The following ZNF850 variants were observed in gnomAD, a reference collection of about 807,000 sequenced individuals.
The protein encoded by ZNF850 is putative zinc finger protein ENSP00000330994.
Under a neutral mutation model 11.9 loss-of-function variants are expected in ZNF850, and 2 were observed. The ratio of observed to expected loss-of-function variants is 0.17; its 90% CI spans 0.07 to 0.53. The LOEUF is 0.53. ZNF850 is among the 20% of genes least tolerant of loss of function. ZNF850 has a pLI of 0.94. For missense variants in ZNF850, 1,014 were observed against 1,316.4 expected (o/e 0.77, Z 3.55); for synonymous variants, 381 against 443.0 (o/e 0.86, Z 1.76).
At position 36,745,634 on chromosome 19, in the gene ZNF850, T is replaced by G. The variant is rs912439310; in HGVS notation, c.*2133A>C. 3 of 150,206 alleles carry G rather than the reference T, an allele frequency of 2.0e-5. No individual in the cohort carries two copies. The highest frequency in any genetic ancestry group is 2.9e-5 in the Non-Finnish European group (2 of 67,876). 9.3% of individuals were successfully genotyped at this position (150,206 alleles called of 1,614,324 possible). On this transcript the variant is annotated 3_prime_UTR_variant, in exon 5 of 5. Transcript: ENST00000591344. ...CGGAGGTTGCAGTGAGCCAAGATCG[T>G]GCCATTGCACTCCAGCCTGGGCAAC... is the stretch of plus-strand genomic sequence containing the variant.
chr19:36,770,703 C>CAAAAAAAAAAAAAAAAA (rs567709722), intron 1 of ZNF850, among the ~76,000 whole-genome samples: 3 of 66,606 alleles, frequency 4.5e-5, no homozygotes, highest in Non-Finnish European at 9.4e-5. Context: ...GAGACTCCAT[C>CAAAAAAAAAAAAAAAAA]AAAAAAAAAA....
At chr19:36,760,406 C>T (rs2040510848) in intron 4 of ZNF850, among the ~76,000 whole-genome samples, 1 of 152,104 alleles carries the variant, frequency 6.6e-6, no homozygotes, top group Non-Finnish European at 1.5e-5. Flanking sequence ...GAGATCACTC[C>T]ACTGCACTCC....
At chr19:36,762,546 G>A (rs2040525649) in intron 2 of ZNF850, 49 bp downstream of exon 2, 2 of 1,536,276 alleles carry the variant, frequency 1.3e-6, no homozygotes, top group Non-Finnish European at 1.7e-6. Flanking sequence ...GACCAGCTAG[G>A]ATGAGAGTGG....
At chr19:36,768,134 G>A (rs1364339256) in intron 1 of ZNF850, among the ~76,000 whole-genome samples, 1 of 151,810 alleles carries the variant, frequency 6.6e-6, no homozygotes, top group Non-Finnish European at 1.5e-5. Context: ...AGCCAGGCAT[G>A]GTGGTGTACA....
chr19:36,770,438 C>T (rs752061626), intron 1 of ZNF850, among the ~76,000 whole-genome samples: 42 of 152,192 alleles, frequency 2.8e-4, no homozygotes, highest in Middle Eastern at 6.8e-3. Context: ...GTGGCTCACG[C>T]CGGTAATCCC....
rs935540126 is a variant in ZNF850, at chr19:36,744,748, G to C, written c.*3019C>G. On this transcript the variant is annotated 3_prime_UTR_variant, in exon 5 of 5. Coordinates refer to ENST00000591344, the MANE Select transcript of ZNF850 (RefSeq NM_001193552.2). ...AAAACATGGAGAATAATAAATGACA[G>C]AGTAAGAATTTGAGAACAAACATTT... 1.3e-5 allele frequency: 2 copies of C among 152,166 alleles called. No homozygotes were observed. The highest frequency in any genetic ancestry group is 4.8e-5 in the African/African-American group (2 of 41,410). 9.4% of individuals were successfully genotyped at this position (152,166 alleles called of 1,614,324 possible).
chr19:36,748,969 G>C lies in ZNF850; in HGVS notation c.2071C>G (p.His691Asp). ...AFRQRTYLNQ[H>D]RRIHTGEKPY... ...TTCTCACCAGTATGAATTCTCCGATGTTGATTAAGGTATGTACGCTGTCTA... is the reference window on the plus strand; with the variant it reads ...TTCTCACCAGTATGAATTCTCCGATCTTGATTAAGGTATGTACGCTGTCTA... The change falls in exon 5 of 5, where the codon CAT becomes GAT. Residue 691 changes from histidine (H) to aspartate (D), a missense_variant. Coordinates refer to ENST00000591344, the MANE Select transcript of ZNF850 (RefSeq NM_001193552.2). 11 of 1,599,122 alleles carry C rather than the reference G, an allele frequency of 6.9e-6. No individual in the cohort carries two copies. The highest frequency in any genetic ancestry group is 9.4e-6 in the Non-Finnish European group (11 of 1,173,526).
rs777733420 is a variant in ZNF850, at chr19:36,749,825, G to A, written c.1215C>T (p.Arg405=). The A allele has an allele frequency of 5.2e-5, 81 of 1,565,872 alleles. No individual in the cohort carries two copies. In the African/African-American group the frequency reaches 9.8e-4, roughly 19 times the overall value. The change falls in exon 5 of 5, where the codon CGC becomes CGT. Residue 405 remains arginine (R), a synonymous_variant. Coordinates refer to ENST00000591344, the MANE Select transcript of ZNF850 (RefSeq NM_001193552.2). ...TTGCCTGGTGTCCAATTAACCCTGAGCGAAAAGTAAAAGATTTCCCACATT... is the reference window on the plus strand; with the variant it reads ...TTGCCTGGTGTCCAATTAACCCTGAACGAAAAGTAAAAGATTTCCCACATT... ...CKECGKSFTF[R]SGLIGHQAIH... is the part of the protein sequence containing the mutation.
intron 4 of ZNF850, among the ~76,000 whole-genome samples, chr19:36,753,295 A>G (rs2040464808): frequency 7.3e-6 from 1 of 137,160 alleles, no homozygotes; most frequent in African/African-American, 2.7e-5. Flanking sequence ...AAAAAAAAGT[A>G]AAAGTTCTAT....
Position 36,747,711 on chromosome 19 carries a change from T to C in ZNF850, c.*56A>G, listed in dbSNP as rs1161152245. 2.8e-6 allele frequency: 4 copies of C among 1,410,408 alleles called. No individual in the cohort carries two copies. The highest frequency in any genetic ancestry group is 3.7e-6 in the Non-Finnish European group (4 of 1,073,870). 87.4% of individuals were successfully genotyped at this position (1,410,408 alleles called of 1,614,324 possible). On this transcript the variant is annotated 3_prime_UTR_variant, in exon 5 of 5. Coordinates refer to ENST00000591344, the MANE Select transcript of ZNF850 (RefSeq NM_001193552.2). Reference sequence around the variant, plus strand: ...ACACATCCATTGTATTTGACCCACATATGGAATCTGCTGATGATCCATGAC... The same window carrying C: ...ACACATCCATTGTATTTGACCCACACATGGAATCTGCTGATGATCCATGAC...
chr19:36,772,072 A>G (rs1381126048), intron 1 of ZNF850, among the ~76,000 whole-genome samples: 3 of 152,152 alleles, frequency 2.0e-5, no homozygotes, highest in Non-Finnish European at 2.9e-5. Context: ...CCCACAAAAG[A>G]AGCGACTATT....
At position 36,743,828 on chromosome 19, in the gene ZNF850, A is replaced by G. The variant is rs898466988; in HGVS notation, c.*3939T>C. On this transcript the variant is annotated 3_prime_UTR_variant, in exon 5 of 5. Transcript: ENST00000591344. Reference sequence around the variant, plus strand: ...AAAACTCAATGTCGTAAAGATGTCAATAATGATTCTTTTCTTTCTAATACT... The same window carrying G: ...AAAACTCAATGTCGTAAAGATGTCAGTAATGATTCTTTTCTTTCTAATACT... The G allele has an allele frequency of 2.6e-5, 4 of 152,228 alleles. No individual in the cohort carries two copies. The highest frequency in any genetic ancestry group is 6.5e-5 in the Admixed American group (1 of 15,274). The allele number at this position is 152,228 out of a possible 1,614,324, so 9.4% of individuals were successfully genotyped here.
chr19:36,747,635 C>CAAAAA lies in ZNF850; in HGVS notation c.*127_*131dup, dbSNP rs56769461. The CAAAAA allele has an allele frequency of 2.7e-5, 21 of 766,118 alleles. No individual in the cohort carries two copies. The African/African-American group carries it at 3.8e-4, about 14-fold the overall frequency. The allele number at this position is 766,118 out of a possible 1,614,324, so 47.5% of individuals were successfully genotyped here. A position where few individuals can be genotyped will look rare whatever the true frequency, so the allele number is the denominator to read the frequency against. On this transcript the variant is annotated 3_prime_UTR_variant, in exon 5 of 5. Coordinates refer to ENST00000591344, the MANE Select transcript of ZNF850 (RefSeq NM_001193552.2). The stretch of plus-strand genomic sequence containing the variant: ...TGGGCGACAGAGCAAGACTCCGTCT[C>CAAAAA]AAAAAAAAAAAAAAAAGTCGTAATT...
chr19:36,762,571 A>T, intron 2 of ZNF850, 24 bp downstream of exon 2: 2 of 1,536,036 alleles, frequency 1.3e-6, no homozygotes, highest in Non-Finnish European at 1.7e-6. Context: ...GAGTAAAAAA[A>T]TTAGTGTAAC....
chr19:36,767,107 G>C (rs2040553551), intron 1 of ZNF850, among the ~76,000 whole-genome samples: 2 of 151,968 alleles, frequency 1.3e-5, no homozygotes, highest in African/African-American at 4.8e-5. Flanking sequence ...CGTGGTGGCA[G>C]GTGCCTGTAA....
At chr19:36,757,717 T>A in intron 4 of ZNF850, among the ~76,000 whole-genome samples, 1 of 152,008 alleles carries the variant, frequency 6.6e-6, no homozygotes, top group Admixed American at 6.6e-5. Context: ...TTCACTGTGT[T>A]GATTAGGCTG....
Position 36,769,275 on chromosome 19 carries a change from AAAAAGAAAG to A in ZNF850, c.-70+3441_-70+3449del, listed in dbSNP as rs760979673. Among the ~76,000 whole-genome samples the A allele has an allele frequency of 3.8e-3, 460 of 120,312 alleles. 2 individuals are homozygous for A. The highest frequency in any genetic ancestry group is 5.0e-3 in the African/African-American group (150 of 29,844). 78.9% of individuals were successfully genotyped at this position (120,312 alleles called of 152,430 possible). ...TAAGACTGTCTCAAAAAAAAAAAAA[AAAAAGAAAG>A]AAAGAAAGAAAGAAAGAAAGAAAAA... On this transcript the variant is annotated intron_variant, in intron 1 of 4. Transcript: ENST00000591344.
intron 4 of ZNF850, among the ~76,000 whole-genome samples, chr19:36,757,948 A>C (rs189923691): frequency 1.3e-4 from 20 of 152,200 alleles, no homozygotes; most frequent in South Asian, 8.3e-4. Context: ...CAGCCTCCCA[A>C]AGCCCCGGAG....
chr19:36,748,088 T>G lies in ZNF850; in HGVS notation c.2952A>C (p.Lys984Asn). The G allele has an allele frequency of 6.4e-7, 1 of 1,554,786 alleles. No individual in the cohort carries two copies. Among genetic ancestry groups the G allele is most frequent in the Non-Finnish European group, 8.7e-7 (1 of 1,153,380 alleles). ...CGCAAGTAAAAGATTTCCCACATTC[T>G]TTACATTCATAAGGTCTGTCACCGG... ...IHTGDRPYEC[K>N]ECGKSFTCGS... The change falls in exon 5 of 5, where the codon AAA becomes AAC. Residue 984 changes from lysine (K) to asparagine (N), a missense_variant. Lys to Asn is a moderately conservative substitution (Grantham distance 94). Transcript: ENST00000591344.
Sources: allele counts gnomAD v4.1 joint callset (sites outside exome capture counted in the v4.1 genomes callset), GRCh38; gene constraint gnomAD v4.1.1; transcripts MANE v1.5; gene names NCBI Gene and HGNC (gene_info 2026-07-23, HGNC 2026-07-21).